The following NAV3 variants were observed in gnomAD, a reference collection of about 807,000 sequenced individuals.
NAV3 encodes neuron navigator 3, also known as pore membrane and/or filament interacting like protein 1.
In NAV3, 87 loss-of-function variants were observed where a neutral mutation model predicts 244.7. That is an observed-to-expected ratio of 0.36 (90% confidence interval 0.30 to 0.42). The LOEUF is 0.42. NAV3 is among the 20% of genes least tolerant of loss of function. NAV3 has a pLI of 1.00. For synonymous variants in NAV3, 1,126 were observed against 1,042.2 expected, an observed-to-expected ratio of 1.08 and a Z score of -1.55; for missense variants, 2,663 against 2,893.3, an observed-to-expected ratio of 0.92 and a Z score of 1.83.
chr12:78,205,495 A>G (rs1275925584), intron 39 of NAV3, among the ~76,000 whole-genome samples: 1 of 152,076 alleles, frequency 6.6e-6, no homozygotes, highest in Non-Finnish European at 1.5e-5. Flanking sequence ...GAAAAACAAA[A>G]GTTATGGTAT....
chr12:77,694,764 T>C (rs1875215285), intron 2 of NAV3, among the ~76,000 whole-genome samples: 1 of 152,142 alleles, frequency 6.6e-6, no homozygotes, highest in Admixed American at 6.6e-5. Flanking sequence ...AGAAGAGAGA[T>C]TGGGTCACTT....
At chr12:77,618,219 C>T (rs1871219136) in intron 2 of NAV3, among the ~76,000 whole-genome samples, 1 of 152,144 alleles carries the variant, frequency 6.6e-6, no homozygotes, top group African/African-American at 2.4e-5. Context: ...AGATACTAAG[C>T]CAGAATCATT....
intron 1 of NAV3, among the ~76,000 whole-genome samples, chr12:77,920,242 A>G (rs544442924): frequency 1.3e-5 from 2 of 152,194 alleles, no homozygotes; most frequent in African/African-American, 2.4e-5. Flanking sequence ...TCTAAACCCC[A>G]TAATTAAAAT....
At position 78,150,776 on chromosome 12, in the gene NAV3, A is replaced by G. The variant is rs1236565054; in HGVS notation, c.4785+1857A>G. Among the ~76,000 whole-genome samples the G allele has an allele frequency of 2.0e-5, 3 of 151,922 alleles. No individual in the cohort carries two copies. The East Asian group carries it at 5.8e-4, about 30-fold the overall frequency. On this transcript the variant is annotated intron_variant, in intron 22 of 39. Transcript: ENST00000397909. ...GATATAATTTTAGAAAGGTTCCTGCAGTTGGCTACCCACCTCGTCTGCTCT... is the reference window on the plus strand; with the variant it reads ...GATATAATTTTAGAAAGGTTCCTGCGGTTGGCTACCCACCTCGTCTGCTCT...
chr12:78,103,019 G>A (rs1391567738), intron 12 of NAV3, among the ~76,000 whole-genome samples: 1 of 152,124 alleles, frequency 6.6e-6, no homozygotes, highest in Non-Finnish European at 1.5e-5. Context: ...GATTAACACT[G>A]GCTCCTTGTT....
At chr12:78,011,501 C>T (rs1875270797) in intron 8 of NAV3, among the ~76,000 whole-genome samples, 1 of 152,016 alleles carries the variant, frequency 6.6e-6, no homozygotes, top group African/African-American at 2.4e-5. Flanking sequence ...ACTAATGCAT[C>T]ACCAAGAAGT....
Position 77,620,649 on chromosome 12 carries a change from A to C in NAV3, c.72+48383A>C. On this transcript the variant is annotated intron_variant, in intron 2 of 8. Transcript: ENST00000550042. ...GTTAATTTTTGTATTTTTAGTAGAGATGCGGTTTCACCATGTTGTCCAGGC... is the reference window on the plus strand; with the variant it reads ...GTTAATTTTTGTATTTTTAGTAGAGCTGCGGTTTCACCATGTTGTCCAGGC... Among the ~76,000 whole-genome samples the C allele has an allele frequency of 1.3e-5, 2 of 151,932 alleles. 1 individual carries two copies. The highest frequency in any genetic ancestry group is 2.9e-5 in the Non-Finnish European group (2 of 68,004).
intron 5 of NAV3, among the ~76,000 whole-genome samples, chr12:77,980,812 G>A (rs953261527): frequency 2.6e-5 from 4 of 152,136 alleles, no homozygotes; most frequent in Non-Finnish European, 5.9e-5. Context: ...AAAGAAATAT[G>A]AGCCTCATTT....
At chr12:77,879,617 G>T (rs565803928) in intron 1 of NAV3, among the ~76,000 whole-genome samples, 2 of 142,466 alleles carry the variant, frequency 1.4e-5, no homozygotes, top group East Asian at 2.2e-4. Context: ...GGAGGTGGAG[G>T]TTGCAGTGAG....
intron 2 of NAV3, among the ~76,000 whole-genome samples, chr12:77,804,374 C>T (rs1871864112): frequency 6.6e-6 from 1 of 152,124 alleles, no homozygotes. Context: ...GGTACAGTTT[C>T]AGTTTTCTGC....
intron 3 of NAV3, among the ~76,000 whole-genome samples, chr12:77,961,720 A>G (rs993343712): frequency 1.3e-5 from 2 of 148,488 alleles, no homozygotes; most frequent in African/African-American, 2.5e-5. Flanking sequence ...TGTATGTTAC[A>G]TATATGTAAT....
intron 12 of NAV3, among the ~76,000 whole-genome samples, chr12:78,098,541 A>G (rs1048891171): frequency 2.0e-5 from 3 of 151,934 alleles, no homozygotes; most frequent in African/African-American, 7.2e-5. Context: ...ATGGAATATA[A>G]AAGAAGGAAG....
At chr12:77,976,622 A>G (rs1450793983) in intron 5 of NAV3, among the ~76,000 whole-genome samples, 3 of 148,576 alleles carry the variant, frequency 2.0e-5, no homozygotes, top group Non-Finnish European at 4.5e-5. Flanking sequence ...CCTCACGGCA[A>G]TCCTATGATG....
intron 38 of NAV3, among the ~76,000 whole-genome samples, chr12:78,201,532 C>T (rs748794383): frequency 1.4e-4 from 22 of 151,816 alleles, no homozygotes; most frequent in Non-Finnish European, 3.2e-4. Context: ...GCAACCAAGG[C>T]CCTTCTATTT....
chr12:77,580,366 G>T (rs1190736250), intron 2 of NAV3, among the ~76,000 whole-genome samples: 2 of 152,098 alleles, frequency 1.3e-5, no homozygotes, highest in East Asian at 3.9e-4. Flanking sequence ...CTACTGAGCT[G>T]CATCTTAGTG....
intron 1 of NAV3, among the ~76,000 whole-genome samples, chr12:77,851,893 T>G (rs904821093): frequency 1.3e-5 from 2 of 152,234 alleles, no homozygotes; most frequent in African/African-American, 4.8e-5. Context: ...AGAGGTGCTT[T>G]AAATGCATTC....
At chr12:77,717,806 A>C (rs2137279461) in intron 2 of NAV3, among the ~76,000 whole-genome samples, 1 of 152,082 alleles carries the variant, frequency 6.6e-6, no homozygotes, top group Non-Finnish European at 1.5e-5. Context: ...AGTGTGAGGC[A>C]CTGTCTCAGT....
At chr12:78,149,242 G>A (rs1233784602) in intron 22 of NAV3, among the ~76,000 whole-genome samples, 1 of 152,104 alleles carries the variant, frequency 6.6e-6, no homozygotes, top group Admixed American at 6.6e-5. Context: ...TGTAAGAGGG[G>A]TTGTTAGTGT....
chr12:78,125,819 T>G (rs193261021), intron 16 of NAV3, among the ~76,000 whole-genome samples: 1 of 152,200 alleles, frequency 6.6e-6, no homozygotes, highest in Admixed American at 6.5e-5. Flanking sequence ...TTTATTCTAA[T>G]TTTTTTCATT....
Sources: allele counts gnomAD v4.1 joint callset (sites outside exome capture counted in the v4.1 genomes callset), GRCh38; gene constraint gnomAD v4.1.1; transcripts MANE v1.5; gene names NCBI Gene and HGNC (gene_info 2026-07-23, HGNC 2026-07-21).